Variants in BPHL observed in about 807,000 individuals in gnomAD.
BPHL encodes the protein serine hydrolase BPHL.
BPHL carries 27 observed loss-of-function variants against 31.2 expected under a neutral mutation model. That is an observed-to-expected ratio of 0.87 (90% CI 0.64 to 1.19). The LOEUF is 1.19. BPHL is among the 50% of genes most tolerant of loss of function. The pLI, the probability that BPHL is intolerant of heterozygous loss-of-function variation, is 0.00. For synonymous variants in BPHL, 150 were observed against 146.8 expected, an observed-to-expected ratio of 1.02 and a Z score of -0.16; for missense variants, 356 against 375.7, an observed-to-expected ratio of 0.95 and a Z score of 0.43.
At chr6:3,137,917 A>T in intron 5 of BPHL, 1 of 1,104,306 alleles carries the variant, frequency 9.1e-7, no homozygotes, top group South Asian at 1.3e-5. Context: ...GGACACTGTT[A>T]ATCTTTAATC....
rs1052541030 is a variant in BPHL, at chr6:3,152,826, A to C, written c.*251A>C. 16 of 357,738 alleles carry C rather than the reference A, an allele frequency of 4.5e-5. No homozygotes were observed. In the South Asian group the frequency reaches 7.3e-4, roughly 16 times the overall value. 22.2% of individuals were successfully genotyped at this position (357,738 alleles called of 1,614,324 possible). ...AGAATTGCCTGAGCCCAGGAGTTCA[A>C]GACCAGCTTGTGCAATATAGGGAGA... On this transcript the variant is annotated 3_prime_UTR_variant, in exon 7 of 7. Transcript: ENST00000380379.
At chr6:3,126,533 C>A (rs1761715788) in intron 2 of BPHL, among the ~76,000 whole-genome samples, 1 of 151,058 alleles carries the variant, frequency 6.6e-6, no homozygotes, top group Non-Finnish European at 1.5e-5. Flanking sequence ...AAATAGCCAC[C>A]AGGGGGAGGT....
At chr6:3,118,590 G>A (rs916382635), upstream of BPHL, 5 of 517,928 alleles carry the variant, frequency 9.7e-6, no homozygotes, top group Non-Finnish European at 1.5e-5. Context: ...ACCCGGCAGG[G>A]CGTGGCTTCG....
intron 1 of BPHL, among the ~76,000 whole-genome samples, chr6:3,122,922 G>A (rs1475878082): frequency 1.3e-5 from 2 of 151,814 alleles, no homozygotes; most frequent in Non-Finnish European, 2.9e-5. Context: ...GGCTGCTGAA[G>A]GTCTGGGTAG....
rs368069644 is a variant in BPHL, at chr6:3,140,381, G to A, written c.665-5G>A. 1.9e-4 allele frequency: 303 copies of A among 1,614,102 alleles called. No homozygotes were observed. Among genetic ancestry groups the A allele is most frequent in the Non-Finnish European group, 2.4e-4 (286 of 1,180,004 alleles). On this transcript the variant is annotated splice_region_variant and splice_polypyrimidine_tract_variant and intron_variant, in intron 5 of 6. Coordinates refer to ENST00000380379, the MANE Select transcript of BPHL (RefSeq NM_004332.4). The surrounding 1 kb of genome is among the most constrained non-coding windows in gnomAD (Gnocchi z 5.2). ...AGCAGATTCCTCGTGCTGTGTATCC[G>A]TCAGGTAACATCTGCCGGCACCTGC...
At chr6:3,129,225 G>A (rs201889593) in intron 4 of BPHL, 27 bp downstream of exon 4, 26 of 1,526,226 alleles carry the variant, frequency 1.7e-5, no homozygotes, top group African/African-American at 1.4e-5. Flanking sequence ...GGAGATGCCG[G>A]GACGGCAGAT....
intron 4 of BPHL, among the ~76,000 whole-genome samples, chr6:3,130,542 A>G (rs1300773143): frequency 6.6e-6 from 1 of 152,124 alleles, no homozygotes; most frequent in African/African-American, 2.4e-5. Context: ...CTTTTTGTCC[A>G]AGTGTGAGTC....
At chr6:3,152,313 C>T (rs116030699) in intron 6 of BPHL, among the ~76,000 whole-genome samples, 175 bp from the exon 7 acceptor site, 14 of 152,258 alleles carry the variant, frequency 9.2e-5, no homozygotes, top group Admixed American at 3.3e-4. Context: ...AAGAGTTTCA[C>T]GTGTCTGACT....
At chr6:3,150,996 G>A (rs1316965759) in intron 6 of BPHL, among the ~76,000 whole-genome samples, 3 of 152,184 alleles carry the variant, frequency 2.0e-5, no homozygotes, top group Non-Finnish European at 2.9e-5. Flanking sequence ...AGTGCAGACA[G>A]TGCTGAACGG....
intron 5 of BPHL, 139 bp downstream of exon 5, chr6:3,137,632 C>T: frequency 7.7e-7 from 1 of 1,294,022 alleles, no homozygotes; most frequent in Non-Finnish European, 1.1e-6. Context: ...ACAGAGAATA[C>T]TAGTTCTTGT....
Position 3,136,328 on chromosome 6 carries a change from G to A in BPHL, c.533-1034G>A, listed in dbSNP as rs114230439. Among the ~76,000 whole-genome samples, 633 of 152,140 alleles carry A rather than the reference G, an allele frequency of 4.2e-3. 2 individuals are homozygous for A. The highest frequency in any genetic ancestry group is 0.015 in the African/African-American group (614 of 41,486). On this transcript the variant is annotated intron_variant, in intron 4 of 6. Coordinates refer to ENST00000380379, the MANE Select transcript of BPHL (RefSeq NM_004332.4). Reference sequence around the variant, plus strand: ...CCCCACCTCTTCAGGCTGTCTCCACGTACCTCATTCAAGTCTTTTCATTCT... The same window carrying A: ...CCCCACCTCTTCAGGCTGTCTCCACATACCTCATTCAAGTCTTTTCATTCT...
intron 1 of BPHL, among the ~76,000 whole-genome samples, chr6:3,120,282 G>C (rs1482783432): frequency 1.3e-5 from 2 of 152,050 alleles, no homozygotes; most frequent in Non-Finnish European, 2.9e-5. Flanking sequence ...TGATCCACCT[G>C]CCTCAGCCTC....
chr6:3,131,071 C>A (rs1761856147), intron 4 of BPHL, among the ~76,000 whole-genome samples: 1 of 152,152 alleles, frequency 6.6e-6, no homozygotes, highest in African/African-American at 2.4e-5. Flanking sequence ...GTCCTCTCAG[C>A]CTGCAAAAGT....
At chr6:3,128,469 C>T (rs1178061608) in intron 3 of BPHL, among the ~76,000 whole-genome samples, 1 of 152,066 alleles carries the variant, frequency 6.6e-6, no homozygotes, top group African/African-American at 2.4e-5. Flanking sequence ...TCTTGGCGGC[C>T]TCTCTAAGAT....
At chr6:3,119,342 A>G (rs898750994) in intron 1 of BPHL, 2 of 1,557,782 alleles carry the variant, frequency 1.3e-6, no homozygotes, top group Non-Finnish European at 1.7e-6. Context: ...GAGAGCCCTA[A>G]GTCTTCTCTT....
chr6:3,138,727 A>G (rs1208705552), intron 5 of BPHL: 2 of 152,262 alleles, frequency 1.3e-5, no homozygotes, highest in Non-Finnish European at 2.9e-5. Flanking sequence ...AAAAAATGCC[A>G]TGAAACGATG....
chr6:3,152,795 G>A lies in BPHL; in HGVS notation c.*220G>A, dbSNP rs541428793. On this transcript the variant is annotated 3_prime_UTR_variant, in exon 7 of 7. Coordinates refer to ENST00000380379, the MANE Select transcript of BPHL (RefSeq NM_004332.4). ...TAATCTCAGCACTTTGGGAGGCTGA[G>A]GTGGGAGAATTGCCTGAGCCCAGGA... is the stretch of plus-strand genomic sequence containing the variant. 2.5e-6 allele frequency: 1 copy of A among 407,114 alleles called. No homozygotes were observed. The highest frequency in any genetic ancestry group is 2.1e-5 in the African/African-American group (1 of 48,152). The allele number at this position is 407,114 out of a possible 1,614,324, so 25.2% of individuals were successfully genotyped here.
chr6:3,119,255 G>A, intron 1 of BPHL: 1 of 1,526,072 alleles, frequency 6.6e-7, no homozygotes, highest in Non-Finnish European at 8.8e-7. Flanking sequence ...AGGGCATAAG[G>A]ACAATAATCT....
In BPHL at chr6:3,152,612, G is replaced by A. The variant is rs779260234; in HGVS notation, c.*37G>A. Reference sequence around the variant, plus strand: ...CCAGTCTTGGTGGTTCCTTCGTGTGGGGCTTGATCGTGTTGCTGCCTGTTA... The same window carrying A: ...CCAGTCTTGGTGGTTCCTTCGTGTGAGGCTTGATCGTGTTGCTGCCTGTTA... On this transcript the variant is annotated 3_prime_UTR_variant, in exon 7 of 7. Coordinates refer to ENST00000380379, the MANE Select transcript of BPHL (RefSeq NM_004332.4). 6.4e-7 allele frequency: 1 copy of A among 1,572,690 alleles called. No homozygotes were observed. The highest frequency in any genetic ancestry group is 8.7e-7 in the Non-Finnish European group (1 of 1,150,272).
Sources: gnomAD v4.1 joint callset for allele counts (sites outside exome capture counted in the v4.1 genomes callset) on GRCh38, gnomAD v4.1.1 for gene constraint, Gnocchi (gnomAD v3.1) non-coding constraint, MANE v1.5 for transcripts, NCBI Gene and HGNC (gene_info 2026-07-23, HGNC 2026-07-21) for gene names.